Variants in RERE observed in about 807,000 individuals in gnomAD.
The protein encoded by RERE is arginine-glutamic acid dipeptide repeats.
Under a neutral mutation model 146.1 loss-of-function variants are expected in RERE, and 40 were observed. The observed-to-expected ratio is 0.27, with a 90% confidence interval of 0.21 to 0.36. The LOEUF is 0.36. RERE is among the 10% of genes least tolerant of loss of function. The pLI, the probability that RERE is intolerant of heterozygous loss-of-function variation, is 1.00. For missense variants in RERE, 1,933 were observed against 2,138.7 expected (o/e 0.90, Z 1.90); for synonymous variants, 1,003 against 866.0 (o/e 1.16, Z -2.78).
intron 10 of RERE, among the ~76,000 whole-genome samples, chr1:8,482,642 A>G (rs1644849907): frequency 7.2e-6 from 1 of 138,602 alleles, no homozygotes; most frequent in Non-Finnish European, 1.5e-5. Context: ...AGATGGTGGC[A>G]CTGCACTCGA....
chr1:8,469,473 G>A (rs1644651217), intron 10 of RERE, among the ~76,000 whole-genome samples: 2 of 152,222 alleles, frequency 1.3e-5, no homozygotes, highest in South Asian at 2.1e-4. Flanking sequence ...ATAAAAATTA[G>A]GCAGGCACAG....
chr1:8,666,429 C>T (rs1053921522), intron 1 of RERE, among the ~76,000 whole-genome samples: 19 of 152,338 alleles, frequency 1.2e-4, no homozygotes, highest in African/African-American at 4.1e-4. Flanking sequence ...TCTGCTAGCC[C>T]TGCCTCCAAG....
At chr1:8,614,213 G>A (rs962635875) in intron 4 of RERE, among the ~76,000 whole-genome samples, 4 of 152,126 alleles carry the variant, frequency 2.6e-5, no homozygotes, top group Non-Finnish European at 4.4e-5. Flanking sequence ...CTGGGGAAAC[G>A]CACATTCCAC....
intron 10 of RERE, among the ~76,000 whole-genome samples, chr1:8,482,441 G>A (rs1300858127): frequency 6.6e-6 from 1 of 152,086 alleles, no homozygotes; most frequent in Non-Finnish European, 1.5e-5. Flanking sequence ...CAGCACTTTG[G>A]GAGGCTGAGG....
At chr1:8,796,934 G>C (rs1287161879) in intron 1 of RERE, among the ~76,000 whole-genome samples, 1 of 152,122 alleles carries the variant, frequency 6.6e-6, no homozygotes, top group East Asian at 1.9e-4. Flanking sequence ...TCTCCCAAGT[G>C]AAACAATACA....
At chr1:8,726,869 G>A (rs1246477787) in intron 1 of RERE, among the ~76,000 whole-genome samples, 3 of 151,880 alleles carry the variant, frequency 2.0e-5, no homozygotes, top group East Asian at 3.9e-4. Flanking sequence ...GCAGTGGCAC[G>A]ACCTCAGCTC....
chr1:8,509,620 C>A lies in RERE; in HGVS notation c.831-945G>T, dbSNP rs1025798692. Among the ~76,000 whole-genome samples the A allele has an allele frequency of 1.4e-4, 22 of 152,100 alleles. 1 individual carries two copies. Among genetic ancestry groups the A allele is most frequent in the Non-Finnish European group, 2.9e-5 (2 of 68,038 alleles). The stretch of plus-strand genomic sequence containing the variant: ...CCCAGAAGTTTAAAACCAGCCTGGG[C>A]AACACAGAGTGACGCCATCTCTACA... On this transcript the variant is annotated intron_variant, in intron 7 of 22. Transcript: ENST00000400908.
intron 12 of RERE, 150 bp from the exon 13 acceptor site, chr1:8,366,124 T>C: frequency 1.1e-6 from 1 of 873,044 alleles, no homozygotes; most frequent in South Asian, 1.8e-5. Flanking sequence ...GGAGAGGAAC[T>C]GGGCTTGCCC....
chr1:8,375,332 T>C (rs1261860594), intron 12 of RERE, among the ~76,000 whole-genome samples: 1 of 152,230 alleles, frequency 6.6e-6, no homozygotes, highest in African/African-American at 2.4e-5. Flanking sequence ...GTAAAAGAAA[T>C]GACATTTTAT....
intron 1 of RERE, among the ~76,000 whole-genome samples, chr1:8,731,624 T>G (rs183760246): frequency 2.3e-4 from 35 of 150,668 alleles, no homozygotes; most frequent in African/African-American, 8.3e-4. Context: ...CTGACAGAGC[T>G]TCAAGACAGA....
chr1:8,455,043 C>G (rs1347016802), intron 11 of RERE, among the ~76,000 whole-genome samples: 3 of 152,142 alleles, frequency 2.0e-5, no homozygotes, highest in African/African-American at 7.2e-5. Flanking sequence ...AGAGAAGAGC[C>G]TGGCTTATCT....
intron 12 of RERE, among the ~76,000 whole-genome samples, chr1:8,382,645 G>C (rs1642496816): frequency 6.6e-6 from 1 of 152,130 alleles, no homozygotes; most frequent in South Asian, 2.1e-4. Flanking sequence ...ACACACAATG[G>C]ATGCCCGGCT....
At position 8,390,471 on chromosome 1, in the gene RERE, G is replaced by A. The variant is rs866968654; in HGVS notation, c.1285-24497C>T. 2.6e-5 allele frequency among the ~76,000 whole-genome samples: 4 copies of A among 152,092 alleles called. No homozygotes were observed. The East Asian group carries it at 7.7e-4, about 29-fold the overall frequency. Reference sequence around the variant, plus strand: ...TAATCTATGTCCCATAGTCCGAACTGTATCAATAACTATAGGTAATATTTT... The same window carrying A: ...TAATCTATGTCCCATAGTCCGAACTATATCAATAACTATAGGTAATATTTT... On this transcript the variant is annotated intron_variant, in intron 12 of 22. Transcript: ENST00000400908.
chr1:8,478,710 C>T (rs1197081523), intron 10 of RERE, among the ~76,000 whole-genome samples: 4 of 152,180 alleles, frequency 2.6e-5, no homozygotes, highest in Non-Finnish European at 5.9e-5. Context: ...AAAGCTACAG[C>T]TTCAAGGATT....
At chr1:8,502,779 T>C (rs947810011) in intron 8 of RERE, among the ~76,000 whole-genome samples, 9 of 147,878 alleles carry the variant, frequency 6.1e-5, no homozygotes, top group African/African-American at 2.3e-4. Context: ...TGTTGATCTG[T>C]GACCTTATCC....
At chr1:8,801,853 A>T (rs756385321) in intron 1 of RERE, among the ~76,000 whole-genome samples, 3 of 152,256 alleles carry the variant, frequency 2.0e-5, no homozygotes, top group Non-Finnish European at 2.9e-5. Context: ...CGAACCAAAG[A>T]GTCTGAGACA....
At chr1:8,432,808 G>A (rs1339223820) in intron 11 of RERE, among the ~76,000 whole-genome samples, 4 of 152,076 alleles carry the variant, frequency 2.6e-5, no homozygotes, top group Admixed American at 2.6e-4. Flanking sequence ...TCTAATCAAT[G>A]TTAGATTTGT....
At chr1:8,401,441 C>G (rs1553161931) in intron 12 of RERE, among the ~76,000 whole-genome samples, 1 of 151,630 alleles carries the variant, frequency 6.6e-6, no homozygotes, top group East Asian at 1.9e-4. Context: ...GAACCTGTCA[C>G]TAAATAAATA....
intron 12 of RERE, among the ~76,000 whole-genome samples, chr1:8,405,310 C>A (rs1643406864): frequency 6.6e-6 from 1 of 152,010 alleles, no homozygotes; most frequent in Non-Finnish European, 1.5e-5. Flanking sequence ...CAAAGTCACT[C>A]ATTAAGAAAT....
Sources: allele counts gnomAD v4.1 joint callset (sites outside exome capture counted in the v4.1 genomes callset), GRCh38; gene constraint gnomAD v4.1.1; transcripts MANE v1.5; gene names NCBI Gene and HGNC (gene_info 2026-07-23, HGNC 2026-07-21).